ASXL1: variants seen among roughly 807,000 people sequenced by gnomAD.
ASXL1 encodes the protein ASXL transcriptional regulator 1.
A neutral mutation model predicts 89.1 loss-of-function variants in ASXL1; 65 were observed. The observed-to-expected ratio is 0.73, with a 90% CI of 0.60 to 0.90. The LOEUF is 0.90. Ranked by LOEUF, ASXL1 falls within the 40% of genes least tolerant of loss-of-function variation. The pLI is 0.00. For missense variants in ASXL1, 1,786 were observed against 1,942.9 expected (o/e 0.92, Z 1.52); for synonymous variants, 739 against 746.9 (o/e 0.99, Z 0.17).
rs2011514673 is a variant in ASXL1, at chr20:32,431,577, T to G, written c.883-6T>G. 1.2e-6 allele frequency: 2 copies of G among 1,614,188 alleles called. No individual in the cohort carries two copies. The highest frequency in any genetic ancestry group is 4.5e-5 in the East Asian group (2 of 44,892). On this transcript the variant is annotated splice_region_variant and splice_polypyrimidine_tract_variant and intron_variant, in intron 9 of 12. Coordinates refer to ENST00000375687, the MANE Select transcript of ASXL1 (RefSeq NM_015338.6). Reference sequence around the variant, plus strand: ...TTAGGATTTTTTTCCCCCTTGATCCTTCTAGGTGGGGACGGATGGCCTGTT... The same window carrying G: ...TTAGGATTTTTTTCCCCCTTGATCCGTCTAGGTGGGGACGGATGGCCTGTT...
Position 32,434,851 on chromosome 20 carries a change from G to A in ASXL1, c.2139G>A (p.Met713Ile), listed in dbSNP as rs765820800. The change falls in exon 13 of 13, where the codon ATG (methionine) becomes ATA (isoleucine). Residue 713 changes from methionine (M) to isoleucine (I), a missense_variant. By Grantham distance (10) the Met-to-Ile change is conservative. This residue lies in a region of ASXL1 where 1,418 missense variants were observed against 1,427.8 expected (regional missense o/e 0.99). Transcript: ENST00000375687. ...NGEHTQAGTA[M>I]SRARREDLPS... ...AGCATACCCAGGCCGGAACTGCCAT[G>A]TCCAGAGCTAGGAGAGAGGACCTGC... 6.2e-7 allele frequency: 1 copy of A among 1,614,158 alleles called. No homozygotes were observed. Among genetic ancestry groups the A allele is most frequent in the South Asian group, 1.1e-5 (1 of 91,080 alleles).
At chr20:32,400,361 G>C (rs143963958) in intron 4 of ASXL1, among the ~76,000 whole-genome samples, 29 of 152,206 alleles carry the variant, frequency 1.9e-4, no homozygotes, top group Middle Eastern at 3.4e-3. Context: ...CTTTGTTATT[G>C]GATGCAGTTA....
Position 32,373,635 on chromosome 20 carries a change from G to A in ASXL1, c.252+4512G>A, listed in dbSNP as rs557404857. Among the ~76,000 whole-genome samples the A allele has an allele frequency of 5.9e-5, 9 of 152,148 alleles. No homozygotes were observed. The East Asian group carries it at 1.6e-3, about 26-fold the overall frequency. On this transcript the variant is annotated intron_variant, in intron 4 of 12. Transcript: ENST00000375687. ...TAATCCCAGCACTTTGGGAGGTTGCGGTGGGTGGATCACTTGAGGTCAGGA... is the reference window on the plus strand; with the variant it reads ...TAATCCCAGCACTTTGGGAGGTTGCAGTGGGTGGATCACTTGAGGTCAGGA...
At position 32,433,688 on chromosome 20, in the gene ASXL1, T is replaced by C. The variant is rs2123264707; in HGVS notation, c.1490T>C (p.Leu497Ser). 6.2e-7 allele frequency: 1 copy of C among 1,611,386 alleles called. No individual in the cohort carries two copies. The highest frequency in any genetic ancestry group is 8.5e-7 in the Non-Finnish European group (1 of 1,177,858). ...ASRIQAEPDN[L>S]ARASASPDRI... The stretch of plus-strand genomic sequence containing the variant: ...CGGATCCAGGCTGAGCCAGACAACT[T>C]GGCACGTGCCTCTGCATCTCCAGAC... The change falls in exon 12 of 13, where the codon TTG becomes TCG. Residue 497 changes from leucine to serine, a missense_variant. Leu to Ser is a moderately radical substitution (Grantham distance 145). This residue lies in a region of ASXL1 where 1,418 missense variants were observed against 1,427.8 expected (regional missense o/e 0.99). Transcript: ENST00000375687.
At chr20:32,394,918 T>C (rs2048736050) in intron 4 of ASXL1, among the ~76,000 whole-genome samples, 1 of 152,096 alleles carries the variant, frequency 6.6e-6, no homozygotes, top group Non-Finnish European at 1.5e-5. Flanking sequence ...TTTGCCACGT[T>C]GGCCCAGCAG....
intron 1 of ASXL1, among the ~76,000 whole-genome samples, chr20:32,362,479 AC>A (rs1317676605): frequency 6.6e-6 from 1 of 152,186 alleles, no homozygotes; most frequent in Non-Finnish European, 1.5e-5. Flanking sequence ...TACTAAAAAT[AC>A]AAAAAATTAG....
Position 32,429,545 on chromosome 20 carries a change from A to C in ASXL1, c.565+114A>C. 1 of 1,130,310 alleles carries C rather than the reference A, an allele frequency of 8.8e-7. No individual in the cohort carries two copies. 70.0% of individuals were successfully genotyped at this position (1,130,310 alleles called of 1,614,324 possible). A position where few individuals can be genotyped will look rare whatever the true frequency, so the allele number is the denominator to read the frequency against. On this transcript the variant is annotated intron_variant, in intron 7 of 12. Transcript: ENST00000375687. This position sits in a 1 kb window ranked among gnomAD's most constrained non-coding sequence, Gnocchi z 4.9. Reference sequence around the variant, plus strand: ...GATACTAGGAGAGCTGTCGGGCCACAGGCAAGAGCCCTGCCAATGGATGAG... The same window carrying C: ...GATACTAGGAGAGCTGTCGGGCCACCGGCAAGAGCCCTGCCAATGGATGAG...
chr20:32,423,557 A>T (rs1272039117), intron 4 of ASXL1, among the ~76,000 whole-genome samples: 1 of 150,608 alleles, frequency 6.6e-6, no homozygotes, highest in Non-Finnish European at 1.5e-5. Context: ...TTATTTATTT[A>T]TTTATGTATT....
At chr20:32,398,392 A>AACC (rs61675264) in intron 4 of ASXL1, among the ~76,000 whole-genome samples, 56,300 of 151,482 alleles carry the variant, frequency 0.37, 11,110 homozygotes, top group East Asian at 0.74. Context: ...AGTGTTGGGT[A>AACC]ACCATCTTTA....
At chr20:32,423,769 G>A (rs1299614044) in intron 4 of ASXL1, among the ~76,000 whole-genome samples, 1 of 151,966 alleles carries the variant, frequency 6.6e-6, no homozygotes, top group African/African-American at 2.4e-5. Context: ...GGCTGGTCTC[G>A]AACTCTGGAC....
chr20:32,368,329 G>A (rs2048239874), intron 3 of ASXL1, among the ~76,000 whole-genome samples: 1 of 152,164 alleles, frequency 6.6e-6, no homozygotes, highest in African/African-American at 2.4e-5. Context: ...TGTTGTGGCA[G>A]GGACCATGAA....
chr20:32,370,804 G>A (rs1160576394), intron 4 of ASXL1, among the ~76,000 whole-genome samples: 1 of 151,368 alleles, frequency 6.6e-6, no homozygotes, highest in Admixed American at 6.6e-5. Flanking sequence ...TTTCAGTTTT[G>A]TATGCTTTTC....
intron 4 of ASXL1, among the ~76,000 whole-genome samples, chr20:32,378,451 C>T (rs541283997): frequency 9.9e-5 from 15 of 152,224 alleles, no homozygotes; most frequent in African/African-American, 3.6e-4. Context: ...GATGCTCAGC[C>T]TGTACATTTG....
In ASXL1 at chr20:32,434,740, G is replaced by A. The variant is rs2011689345; in HGVS notation, c.2028G>A (p.Glu676=). ...GTGGTGAGGCCTGTGGCCACCCTGA[G>A]CCCAGGGGAGGCCCGAGCACCCCTG... ...GDGGEACGHP[E]PRGGPSTPGK... The change falls in exon 13 of 13, where the codon GAG becomes GAA. Residue 676 remains glutamate, a synonymous_variant. Coordinates refer to ENST00000375687, the MANE Select transcript of ASXL1 (RefSeq NM_015338.6). 1 of 1,612,820 alleles carries A rather than the reference G, an allele frequency of 6.2e-7. No homozygotes were observed. The highest frequency in any genetic ancestry group is 1.3e-5 in the African/African-American group (1 of 74,886).
chr20:32,388,953 G>C (rs1331965876), intron 4 of ASXL1, among the ~76,000 whole-genome samples: 1 of 152,010 alleles, frequency 6.6e-6, no homozygotes, highest in Non-Finnish European at 1.5e-5. Context: ...AAAATAAATT[G>C]CACGCCCCCA....
chr20:32,428,685 G>A (rs1430198093), intron 6 of ASXL1: 2 of 339,970 alleles, frequency 5.9e-6, no homozygotes, highest in South Asian at 2.4e-5. Context: ...TTTTTGAGAT[G>A]GAGTCGCGCC....
At chr20:32,426,541 C>CTT (rs1014372390) in intron 4 of ASXL1, among the ~76,000 whole-genome samples, 1,095 of 92,356 alleles carry the variant, frequency 0.012, 227 homozygotes, top group East Asian at 0.02. Flanking sequence ...AAACTGTTTT[C>CTT]TTTTTTTTCT....
chr20:32,409,911 C>T (rs1272225620), intron 4 of ASXL1, among the ~76,000 whole-genome samples: 2 of 152,046 alleles, frequency 1.3e-5, no homozygotes, highest in African/African-American at 2.4e-5. Flanking sequence ...CAAACATTGT[C>T]TTTTATGACT....
At chr20:32,421,210 A>G (rs944209941) in intron 4 of ASXL1, among the ~76,000 whole-genome samples, 3 of 151,610 alleles carry the variant, frequency 2.0e-5, no homozygotes, top group African/African-American at 4.8e-5. Context: ...CATTCTGCAC[A>G]TGTATCCCAG....
Sources: gnomAD v4.1 joint callset for allele counts (sites outside exome capture counted in the v4.1 genomes callset) on GRCh38, gnomAD v4.1.1 for gene constraint, gnomAD v4.1.1 regional missense constraint, Gnocchi (gnomAD v3.1) non-coding constraint, MANE v1.5 for transcripts, NCBI Gene and HGNC (gene_info 2026-07-23, HGNC 2026-07-21) for gene names.